TET3: variants seen among roughly 807,000 people sequenced by gnomAD.
TET3 encodes the protein methylcytosine dioxygenase TET3.
A neutral mutation model predicts 141.4 loss-of-function variants in TET3; 19 were observed. The ratio of observed to expected loss-of-function variants is 0.13; its 90% CI spans 0.09 to 0.20. The LOEUF (loss-of-function observed/expected upper bound fraction) is 0.20, where lower values mean the gene tolerates loss of function less well. TET3 is among the 10% of genes least tolerant of loss of function. TET3 has a pLI of 1.00. For synonymous variants in TET3, 1,043 were observed against 980.9 expected (o/e 1.06, Z -1.18); for missense variants, 1,874 against 2,356.9 (o/e 0.80, Z 4.24).
Position 74,006,405 on chromosome 2 carries a change from T to C in TET3, c.360+3239T>C, listed in dbSNP as rs548517570. Among the ~76,000 whole-genome samples, 6 of 152,322 alleles carry C rather than the reference T, an allele frequency of 3.9e-5. No homozygotes were observed. The East Asian group carries it at 9.6e-4, about 24-fold the overall frequency. ...TCTCCTTGGTGACCCTCACCCTTTT[T>C]GAATGTCATGGGAGAGGGAGAGAGC... On this transcript the variant is annotated intron_variant, in intron 3 of 11. Transcript: ENST00000409262.
rs1691024948 is a variant in TET3, at chr2:74,099,267, T to C, written c.3268-9T>C. On this transcript the variant is annotated splice_polypyrimidine_tract_variant and intron_variant, in intron 10 of 11. Coordinates refer to ENST00000409262, the MANE Select transcript of TET3 (RefSeq NM_001287491.2). ...CCCCATGTCCTCTCTCCCCCACTGC[T>C]TGGGGCAGGTCTGCACCCTGACCAA... 5 of 1,573,376 alleles carry C rather than the reference T, an allele frequency of 3.2e-6. No homozygotes were observed. The highest frequency in any genetic ancestry group is 4.3e-6 in the Non-Finnish European group (5 of 1,157,382).
intron 3 of TET3, among the ~76,000 whole-genome samples, chr2:74,032,031 T>G (rs1479498580): frequency 6.6e-6 from 1 of 152,180 alleles, no homozygotes; most frequent in Non-Finnish European, 1.5e-5. Flanking sequence ...GGATGTGGAA[T>G]TGTTGGAAGA....
At chr2:74,062,109 A>T (rs1688626909) in intron 4 of TET3, among the ~76,000 whole-genome samples, 1 of 152,216 alleles carries the variant, frequency 6.6e-6, no homozygotes, top group Admixed American at 6.5e-5. Context: ...AGAGCACGCC[A>T]CTGCACTCCA....
At chr2:74,011,288 A>G (rs1282166680) in intron 3 of TET3, among the ~76,000 whole-genome samples, 2 of 152,198 alleles carry the variant, frequency 1.3e-5, no homozygotes, top group African/African-American at 4.8e-5. Flanking sequence ...GGAAAGGCAT[A>G]TGCTGTGTAC....
At chr2:74,039,941 A>T (rs1375750962) in intron 3 of TET3, among the ~76,000 whole-genome samples, 1 of 152,192 alleles carries the variant, frequency 6.6e-6, no homozygotes, top group Non-Finnish European at 1.5e-5. Context: ...CACTTCTATT[A>T]TCACGAGCCC....
chr2:74,051,619 T>C (rs934723607), intron 4 of TET3, among the ~76,000 whole-genome samples: 20 of 152,314 alleles, frequency 1.3e-4, no homozygotes, highest in South Asian at 1.2e-3. Context: ...AGGAAGCTTT[T>C]GAGAGTAAAA....
chr2:74,017,717 T>C (rs1453676453), intron 3 of TET3, among the ~76,000 whole-genome samples: 1 of 152,214 alleles, frequency 6.6e-6, no homozygotes, highest in Non-Finnish European at 1.5e-5. Flanking sequence ...AGACATCTCT[T>C]TGACACACCT....
intron 3 of TET3, among the ~76,000 whole-genome samples, chr2:74,032,825 G>T (rs954792415): frequency 6.6e-6 from 1 of 152,168 alleles, no homozygotes; most frequent in Non-Finnish European, 1.5e-5. Context: ...CTGCCCAGGC[G>T]ATAACTTTGC....
chr2:74,098,360 T>C (rs1420213357), intron 10 of TET3, among the ~76,000 whole-genome samples: 1 of 152,210 alleles, frequency 6.6e-6, no homozygotes, highest in East Asian at 1.9e-4. Flanking sequence ...GAATATTTAA[T>C]GCACAGGAAA....
downstream of TET3, among the ~76,000 whole-genome samples, chr2:74,112,549 T>C (rs1691728809): frequency 6.6e-6 from 1 of 151,870 alleles, no homozygotes; most frequent in Non-Finnish European, 1.5e-5. Flanking sequence ...AAATAAAAAG[T>C]TTTACTACAT....
At chr2:74,092,805 C>T (rs1244564496) in intron 8 of TET3, 97 bp from the exon 9 acceptor site, 3 of 1,058,014 alleles carry the variant, frequency 2.8e-6, no homozygotes, top group Non-Finnish European at 4.3e-6. Context: ...CCCTCCCAGC[C>T]TCCCCCACGA....
rs561462857 is a variant in TET3, at chr2:74,105,903, C to G, written c.*3727C>G. 3.9e-5 allele frequency: 6 copies of G among 154,304 alleles called. No individual in the cohort carries two copies. Among genetic ancestry groups the G allele is most frequent in the African/African-American group, 1.4e-4 (6 of 41,584 alleles). The allele number at this position is 154,304 out of a possible 1,614,324, so 9.6% of individuals were successfully genotyped here. Reference sequence around the variant, plus strand: ...TATGATATCCCTGACGTGCCTCAACCAGTATCTCTTTCCTTTTGTTACTGA... The same window carrying G: ...TATGATATCCCTGACGTGCCTCAACGAGTATCTCTTTCCTTTTGTTACTGA... On this transcript the variant is annotated 3_prime_UTR_variant, in exon 12 of 12. Transcript: ENST00000409262.
chr2:74,080,472 A>C, intron 5 of TET3, 26 bp from the exon 6 acceptor site: 1 of 1,600,950 alleles, frequency 6.2e-7, no homozygotes, highest in South Asian at 1.1e-5. Context: ...TGCTGTGCTA[A>C]TGGTGGCTTC....
intron 6 of TET3, among the ~76,000 whole-genome samples, chr2:74,080,953 T>C (rs1040681026): frequency 4.6e-5 from 7 of 152,244 alleles, no homozygotes; most frequent in African/African-American, 1.7e-4. Context: ...TCATGACCCG[T>C]TGATGGGCTC....
chr2:73,992,314 T>TTCTTTTTTTTCTTTC (rs1433645082), intron 2 of TET3, among the ~76,000 whole-genome samples: 8 of 148,030 alleles, frequency 5.4e-5, no homozygotes, highest in South Asian at 2.1e-4. Context: ...TCTTTTTTTT[T>TTCTTTTTTTTCTTTC]TTTGTTTTGT....
In TET3 at chr2:74,105,277, C is replaced by A. The variant is rs979955333; in HGVS notation, c.*3101C>A. 4.0e-5 allele frequency: 16 copies of A among 398,500 alleles called. No homozygotes were observed. The highest frequency in any genetic ancestry group is 6.2e-5 in the Non-Finnish European group (14 of 226,092). The allele number at this position is 398,500 out of a possible 1,614,324, so 24.7% of individuals were successfully genotyped here. A position where few individuals can be genotyped will look rare whatever the true frequency, so the allele number is the denominator to read the frequency against. ...CCCCAGTGTGCCCTGTCCACGGACA[C>A]CATCCACGTGCAGTGCAAACATTTG... is the stretch of plus-strand genomic sequence containing the variant. On this transcript the variant is annotated 3_prime_UTR_variant, in exon 12 of 12. Transcript: ENST00000409262.
intron 8 of TET3, among the ~76,000 whole-genome samples, chr2:74,092,113 G>A (rs1558786397): frequency 6.6e-6 from 1 of 152,244 alleles, no homozygotes; most frequent in East Asian, 1.9e-4. Context: ...AGACCAGCCT[G>A]GCCAACACGG....
intron 2 of TET3, among the ~76,000 whole-genome samples, chr2:73,995,316 G>A (rs187854026): frequency 6.6e-6 from 1 of 152,364 alleles, no homozygotes; most frequent in Admixed American, 6.5e-5. Flanking sequence ...TTAGACTGCA[G>A]TATTTTGGTC....
rs1473104320 is a variant in TET3 at position 74,093,048 on chromosome 2, G to C, written c.3129+57G>C. 10 of 1,488,048 alleles carry C rather than the reference G, an allele frequency of 6.7e-6. No individual in the cohort carries two copies. In the Admixed American group the frequency reaches 1.8e-4, roughly 27 times the overall value. The allele number at this position is 1,488,048 out of a possible 1,614,324, so 92.2% of individuals were successfully genotyped here. On this transcript the variant is annotated intron_variant, in intron 9 of 11. Transcript: ENST00000409262. The surrounding 1 kb of genome is among the most constrained non-coding windows in gnomAD (Gnocchi z 4.2). ...TGTCACCGTCCACATCTCTGCTCAG[G>C]CTCTGAAGGTGGGAAGTGGGAGAGT...
Sources: gnomAD v4.1 joint callset for allele counts (sites outside exome capture counted in the v4.1 genomes callset) on GRCh38, gnomAD v4.1.1 for gene constraint, Gnocchi (gnomAD v3.1) non-coding constraint, MANE v1.5 for transcripts, NCBI Gene and HGNC (gene_info 2026-07-23, HGNC 2026-07-21) for gene names.